The following PUDP variants were observed in gnomAD, a reference collection of about 807,000 sequenced individuals.
PUDP encodes the protein pseudouridine 5'-phosphatase.
In PUDP, 8 loss-of-function variants were observed where a neutral mutation model predicts 9.4. The ratio of observed to expected loss-of-function variants is 0.85; its 90% CI spans 0.50 to 1.53. The LOEUF is 1.53. Among genes scored for constraint, PUDP ranks in the 40% most tolerant of loss-of-function variants. The pLI, the probability that PUDP is intolerant of heterozygous loss-of-function variation, is 0.00. For synonymous variants in PUDP, 99 were observed against 80.7 expected (o/e 1.23, Z -1.22); for missense variants, 188 against 189.7 (o/e 0.99, Z 0.05).
At chrX:6,716,893 C>T (rs1375034133) in intron 1 of PUDP, among the ~76,000 whole-genome samples, 2 of 111,020 alleles carry the variant, frequency 1.8e-5, no homozygotes, top group Admixed American at 9.6e-5. Context: ...TTCAGCCTCC[C>T]GAGTAGCTGG....
At chrX:6,726,704 G>C (rs1038064675) in intron 3 of PUDP, among the ~76,000 whole-genome samples, 1 of 111,665 alleles carries the variant, frequency 9.0e-6, no homozygotes, top group Non-Finnish European at 1.9e-5. Context: ...CCAGCCAAGG[G>C]AGATTTTTTT....
At chrX:7,121,083 T>A (rs751020096) in intron 1 of PUDP, among the ~76,000 whole-genome samples, 64 of 111,559 alleles carry the variant, frequency 5.7e-4, no homozygotes, top group Non-Finnish European at 1.0e-3. Flanking sequence ...CCAAAACTGG[T>A]CACACAGTAT....
chrX:6,951,825 T>C (rs1356929108), intron 3 of PUDP, among the ~76,000 whole-genome samples: 1 of 112,295 alleles, frequency 8.9e-6, no homozygotes, highest in Non-Finnish European at 1.9e-5. Flanking sequence ...TATCTATTCA[T>C]TAGATCCTAA....
intron 3 of PUDP, among the ~76,000 whole-genome samples, chrX:6,842,293 TC>T (rs1419796742): frequency 4.3e-4 from 48 of 112,215 alleles, no homozygotes; most frequent in Admixed American, 2.9e-3. Flanking sequence ...ATAAAATGCC[TC>T]CTTGTCAGTC....
At chrX:6,726,385 T>C (rs777427874), upstream of PUDP, among the ~76,000 whole-genome samples, 22 of 111,299 alleles carry the variant, frequency 2.0e-4, no homozygotes, top group East Asian at 2.0e-3. Context: ...ACCATGATTA[T>C]CAATAATTTA....
intron 3 of PUDP, among the ~76,000 whole-genome samples, chrX:6,842,919 C>A (rs1054521394): frequency 1.2e-4 from 13 of 112,306 alleles, no homozygotes; most frequent in Admixed American, 1.0e-3. Context: ...TGGGTCTAAG[C>A]TCTTTAAAAT....
intron 3 of PUDP, among the ~76,000 whole-genome samples, chrX:6,885,139 C>T (rs1927403463): frequency 9.0e-6 from 1 of 111,695 alleles, no homozygotes; most frequent in African/African-American, 3.2e-5. Flanking sequence ...CAGTTGTTTT[C>T]CTTTTTTAAA....
chrX:6,987,365 A>C (rs1161837358), intron 1 of PUDP, among the ~76,000 whole-genome samples: 1 of 112,272 alleles, frequency 8.9e-6, no homozygotes. Flanking sequence ...CGATAAGGAA[A>C]CCAGCTTAAG....
At chrX:6,805,507 G>A (rs181830597) in intron 3 of PUDP, among the ~76,000 whole-genome samples, 4 of 109,834 alleles carry the variant, frequency 3.6e-5, no homozygotes, top group Admixed American at 9.8e-5. Flanking sequence ...TGGAAAGGAC[G>A]TTGGGACCAA....
In PUDP at chrX:6,964,442, G is replaced by C. The variant is rs1268216756; in HGVS notation, c.*247+12691C>G. 5.4e-5 allele frequency among the ~76,000 whole-genome samples: 6 copies of C among 111,993 alleles called. No homozygotes were observed. The Admixed American group carries it at 5.7e-4, about 11-fold the overall frequency. ...AATCCCAGTACTTTGTTAGGCTGAG[G>C]AAGACAGTCTGCTTGAGCCTGGGAG... On this transcript the variant is annotated intron_variant and NMD_transcript_variant, in intron 3 of 3. Coordinates refer to the PUDP transcript ENST00000655425.
At chrX:6,751,864 C>A (rs1465250231) in intron 3 of PUDP, among the ~76,000 whole-genome samples, 1 of 111,115 alleles carries the variant, frequency 9.0e-6, no homozygotes, top group Non-Finnish European at 1.9e-5. Context: ...AGCTTCACTG[C>A]AGTTTTGAGA....
chrX:6,984,812 T>C (rs1929083189), intron 1 of PUDP, among the ~76,000 whole-genome samples: 1 of 111,816 alleles, frequency 8.9e-6, no homozygotes, highest in Admixed American at 9.5e-5. Flanking sequence ...GGTTTCACAC[T>C]ATTTGTACAC....
At chrX:6,975,460 G>C (rs1363114786) in intron 3 of PUDP, among the ~76,000 whole-genome samples, 1 of 111,087 alleles carries the variant, frequency 9.0e-6, no homozygotes, top group African/African-American at 3.3e-5. Flanking sequence ...TCTTCTAACA[G>C]TCAGGCCCCT....
intron 1 of PUDP, among the ~76,000 whole-genome samples, chrX:6,980,492 G>A (rs1484980564): frequency 1.8e-5 from 2 of 110,902 alleles, no homozygotes; most frequent in Non-Finnish European, 3.8e-5. Context: ...TTACAGGCAT[G>A]AGCCAAAGTG....
At chrX:6,809,081 C>T (rs1380079154) in intron 3 of PUDP, among the ~76,000 whole-genome samples, 1 of 111,193 alleles carries the variant, frequency 9.0e-6, no homozygotes, top group African/African-American at 3.3e-5. Flanking sequence ...AGCATGTGGC[C>T]AAGCCCAATC....
intron 3 of PUDP, among the ~76,000 whole-genome samples, chrX:7,068,653 C>T (rs1487469079): frequency 8.9e-6 from 1 of 112,176 alleles, no homozygotes; most frequent in African/African-American, 3.2e-5. Context: ...AGAGAATCCT[C>T]GTGCAATGAG....
chrX:6,891,235 C>G (rs1927510759), intron 3 of PUDP, among the ~76,000 whole-genome samples: 1 of 112,010 alleles, frequency 8.9e-6, no homozygotes, highest in Non-Finnish European at 1.9e-5. Flanking sequence ...CCCCTAGGAG[C>G]AATATTCAAT....
intron 1 of PUDP, among the ~76,000 whole-genome samples, chrX:7,028,807 G>T (rs1245212545): frequency 8.9e-6 from 1 of 111,803 alleles, no homozygotes; most frequent in Non-Finnish European, 1.9e-5. Flanking sequence ...GCTTACCACA[G>T]ACATTGATTC....
intron 3 of PUDP, among the ~76,000 whole-genome samples, chrX:6,751,691 G>C (rs909697793): frequency 9.0e-6 from 1 of 111,044 alleles, no homozygotes; most frequent in Non-Finnish European, 1.9e-5. Context: ...ACTCATTATC[G>C]GCCACGCTTA....
Sources: allele counts gnomAD v4.1 joint callset (sites outside exome capture counted in the v4.1 genomes callset), GRCh38; gene constraint gnomAD v4.1.1; transcripts MANE v1.5; gene names NCBI Gene and HGNC (gene_info 2026-07-23, HGNC 2026-07-21).